The following ZNF438 variants were observed in gnomAD, a reference collection of about 807,000 sequenced individuals.
ZNF438 encodes the protein zinc finger protein 438.
ZNF438 carries 25 observed loss-of-function variants against 38.0 expected under a neutral mutation model. The ratio of observed to expected loss-of-function variants is 0.66; its 90% CI spans 0.48 to 0.92. ZNF438 has a LOEUF of 0.92. ZNF438 is among the 40% of genes least tolerant of loss of function. ZNF438 has a pLI of 0.00. For missense variants in ZNF438, 1,007 were observed against 999.6 expected (o/e 1.01, Z -0.10); for synonymous variants, 372 against 364.1 (o/e 1.02, Z -0.25).
chr10:30,938,157 C>T (rs1181777709), intron 2 of ZNF438, among the ~76,000 whole-genome samples: 1 of 152,118 alleles, frequency 6.6e-6, no homozygotes, highest in African/African-American at 2.4e-5. Context: ...TGCCCCGCAC[C>T]CCCATTGTTT....
intron 1 of ZNF438, among the ~76,000 whole-genome samples, chr10:30,949,465 A>G (rs564612785): frequency 6.6e-6 from 1 of 152,256 alleles, no homozygotes; most frequent in Non-Finnish European, 1.5e-5. Flanking sequence ...CAAATTGGAC[A>G]AAGGGTCAAG....
chr10:30,902,810 A>G (rs940004357), intron 3 of ZNF438, among the ~76,000 whole-genome samples: 2 of 151,956 alleles, frequency 1.3e-5, no homozygotes, highest in Admixed American at 6.6e-5. Context: ...GTGTGCCCGC[A>G]CTCCTCAGCC....
At chr10:30,936,494 T>C (rs149480696) in intron 2 of ZNF438, among the ~76,000 whole-genome samples, 12,057 of 151,966 alleles carry the variant, frequency 0.079, 565 homozygotes, top group Non-Finnish European at 0.11. Context: ...GCCAAGATGG[T>C]GAAACCCCGT....
At chr10:30,950,220 A>C (rs1201865755) in intron 1 of ZNF438, among the ~76,000 whole-genome samples, 1 of 151,986 alleles carries the variant, frequency 6.6e-6, no homozygotes, top group African/African-American at 2.4e-5. Context: ...GACACAACAT[A>C]CCAGAATCTC....
chr10:30,987,058 A>C (rs953348401), intron 1 of ZNF438, among the ~76,000 whole-genome samples: 2 of 152,144 alleles, frequency 1.3e-5, no homozygotes, highest in Admixed American at 6.5e-5. Flanking sequence ...ATATATTACC[A>C]ATCAAAATTG....
chr10:31,005,252 G>A (rs2055012579), intron 1 of ZNF438, among the ~76,000 whole-genome samples: 2 of 152,140 alleles, frequency 1.3e-5, no homozygotes, highest in Admixed American at 6.5e-5. Context: ...AATGAACTGT[G>A]AGTTATGTGT....
chr10:30,874,110 GTGTGTATATATATATATA>G (rs1564540809), intron 4 of ZNF438, among the ~76,000 whole-genome samples: 558 of 31,642 alleles, frequency 0.018, 12 homozygotes, highest in African/African-American at 0.044. Context: ...GGGGGTGTGT[GTGTGTATATATATATATA>G]TATATATATA....
chr10:30,976,924 C>CA (rs994184950), intron 1 of ZNF438, among the ~76,000 whole-genome samples: 1 of 151,716 alleles, frequency 6.6e-6, no homozygotes. Flanking sequence ...AGAGATCAGA[C>CA]AAAAAAATAA....
chr10:31,011,761 A>G (rs1424500468), intron 1 of ZNF438, among the ~76,000 whole-genome samples: 1 of 152,226 alleles, frequency 6.6e-6, no homozygotes, highest in African/African-American at 2.4e-5. Context: ...TTAATTGCCC[A>G]TGGCCAATCA....
intron 4 of ZNF438, among the ~76,000 whole-genome samples, chr10:30,855,980 T>G (rs949239790): frequency 6.6e-6 from 1 of 152,154 alleles, no homozygotes; most frequent in East Asian, 1.9e-4. Flanking sequence ...ACACAGGAGG[T>G]GCTTAGACAT....
intron 1 of ZNF438, among the ~76,000 whole-genome samples, chr10:30,943,153 T>C (rs1348396457): frequency 6.6e-6 from 1 of 151,878 alleles, no homozygotes; most frequent in Non-Finnish European, 1.5e-5. Context: ...CAGGAAGAAA[T>C]ACAAGGGAGA....
At chr10:30,998,339 G>C (rs2054267786) in intron 1 of ZNF438, among the ~76,000 whole-genome samples, 1 of 151,590 alleles carries the variant, frequency 6.6e-6, no homozygotes, top group Admixed American at 6.6e-5. Flanking sequence ...AGGAGTTTGA[G>C]ACCATCCTGG....
At chr10:31,020,634 A>G (rs2056525106) in intron 1 of ZNF438, among the ~76,000 whole-genome samples, 1 of 152,250 alleles carries the variant, frequency 6.6e-6, no homozygotes, top group South Asian at 2.1e-4. Flanking sequence ...TGCATTCCCA[A>G]ATAAAAAGGA....
intron 3 of ZNF438, among the ~76,000 whole-genome samples, chr10:30,881,886 T>C (rs1188693308): frequency 6.6e-6 from 1 of 152,074 alleles, no homozygotes; most frequent in Non-Finnish European, 1.5e-5. Context: ...AAAAAAGAAC[T>C]TTGAGCCACA....
intron 2 of ZNF438, among the ~76,000 whole-genome samples, chr10:30,922,892 CACAATGG>C (rs2044478553): frequency 6.6e-6 from 1 of 150,980 alleles, no homozygotes; most frequent in South Asian, 2.1e-4. Flanking sequence ...TTGCCAAGTA[CACAATGG>C]AATTAATAAT....
At chr10:31,017,150 A>G (rs1042720690) in intron 1 of ZNF438, among the ~76,000 whole-genome samples, 1 of 152,228 alleles carries the variant, frequency 6.6e-6, no homozygotes, top group Non-Finnish European at 1.5e-5. Flanking sequence ...TAGCAAACAC[A>G]CATTTTTATC....
intron 1 of ZNF438, among the ~76,000 whole-genome samples, chr10:31,022,375 C>T (rs561456768): frequency 3.9e-5 from 6 of 152,244 alleles, no homozygotes; most frequent in African/African-American, 1.4e-4. Context: ...AATTCTCCTG[C>T]CTCAGCCTCT....
exon 5 of ZNF438, chr10:30,850,200 T>C: frequency 6.2e-7 from 1 of 1,614,102 alleles, no homozygotes; most frequent in Non-Finnish European, 8.5e-7. Flanking sequence ...AGCTTGGAGT[T>C]GATGGAGGGT....
chr10:31,018,836 G>C (rs2056392441), intron 1 of ZNF438, among the ~76,000 whole-genome samples: 1 of 152,172 alleles, frequency 6.6e-6, no homozygotes, highest in South Asian at 2.1e-4. Context: ...TGCCATTCCA[G>C]TTGCTGCTGC....
Sources: gnomAD v4.1 joint callset for allele counts (sites outside exome capture counted in the v4.1 genomes callset) on GRCh38, gnomAD v4.1.1 for gene constraint, MANE v1.5 for transcripts, NCBI Gene and HGNC (gene_info 2026-07-23, HGNC 2026-07-21) for gene names.